The following GTF2IRD1 variants were observed in gnomAD, a reference collection of about 807,000 sequenced individuals.
The protein encoded by GTF2IRD1 is GTF2I repeat domain containing 1.
In GTF2IRD1, 26 loss-of-function variants were observed where a neutral mutation model predicts 113.2. The ratio of observed to expected loss-of-function variants is 0.23; its 90% CI spans 0.17 to 0.32. The LOEUF (loss-of-function observed/expected upper bound fraction) is 0.32. Ranked by LOEUF, GTF2IRD1 falls within the 10% of genes least tolerant of loss-of-function variation. GTF2IRD1 has a pLI of 1.00. For synonymous variants in GTF2IRD1, 484 were observed against 529.1 expected (o/e 0.91, Z 1.17); for missense variants, 864 against 1,280.8 (o/e 0.67, Z 4.97).
intron 14 of GTF2IRD1, among the ~76,000 whole-genome samples, chr7:74,542,799 A>T (rs116686996): frequency 6.6e-6 from 1 of 152,286 alleles, no homozygotes; most frequent in African/African-American, 2.4e-5. Context: ...AACACCATAG[A>T]AGCCTCCATG....
At chr7:74,500,253 G>A (rs1795951464) in intron 1 of GTF2IRD1, among the ~76,000 whole-genome samples, 1 of 152,104 alleles carries the variant, frequency 6.6e-6, no homozygotes, top group Non-Finnish European at 1.5e-5. Flanking sequence ...GATGTAACAT[G>A]GATTAGAAGA....
At chr7:74,530,587 A>T (rs1367726162) in intron 9 of GTF2IRD1, among the ~76,000 whole-genome samples, 6 of 73,272 alleles carry the variant, frequency 8.2e-5, no homozygotes, top group Admixed American at 1.4e-4. Flanking sequence ...CCTGTTTCTT[A>T]AAAAAAAAAA....
intron 1 of GTF2IRD1, among the ~76,000 whole-genome samples, chr7:74,498,813 C>G (rs1554338717): frequency 6.6e-6 from 1 of 151,634 alleles, no homozygotes; most frequent in Non-Finnish European, 1.5e-5. Flanking sequence ...ACTGCAACCT[C>G]CAACTCCCAG....
intron 22 of GTF2IRD1, among the ~76,000 whole-genome samples, chr7:74,573,594 C>G (rs1324939159): frequency 6.6e-6 from 1 of 152,126 alleles, no homozygotes; most frequent in Non-Finnish European, 1.5e-5. Flanking sequence ...GAGATCAGCA[C>G]CGAGGGGTCG....
At chr7:74,517,427 CTT>C (rs59499031) in intron 4 of GTF2IRD1, among the ~76,000 whole-genome samples, 1 of 77,398 alleles carries the variant, frequency 1.3e-5, no homozygotes, top group Non-Finnish European at 2.6e-5. Flanking sequence ...CTCCCTACAC[CTT>C]TTTTTTTTTT....
chr7:74,464,924 T>C (rs1380212693), intron 1 of GTF2IRD1, among the ~76,000 whole-genome samples: 1 of 152,102 alleles, frequency 6.6e-6, no homozygotes, highest in African/African-American at 2.4e-5. Context: ...GTGGGTAGCC[T>C]GGAAAGAGGT....
intron 12 of GTF2IRD1, 82 bp from the exon 13 acceptor site, chr7:74,538,598 C>A: frequency 1.1e-6 from 1 of 869,876 alleles, no homozygotes; most frequent in Non-Finnish European, 2.0e-6. Context: ...AAGTTACAGA[C>A]ACCAGAATGT....
chr7:74,553,657 T>C (rs1319053085), intron 17 of GTF2IRD1, among the ~76,000 whole-genome samples: 1 of 152,156 alleles, frequency 6.6e-6, no homozygotes, highest in Non-Finnish European at 1.5e-5. Flanking sequence ...GTCAGTGCAG[T>C]GGCCGACGGG....
At position 74,547,228 on chromosome 7, in the gene GTF2IRD1, A is replaced by T; in HGVS notation, c.1858A>T (p.Ile620Phe). 3.7e-6 allele frequency: 6 copies of T among 1,613,454 alleles called. No homozygotes were observed. Among genetic ancestry groups the T allele is most frequent in the Non-Finnish European group, 4.2e-6 (5 of 1,179,850 alleles). Reference sequence around the variant, plus strand: ...CCTCCGCAGGCCCAACTGCTTCGGGATCGCCAAGCTCCGGAAGATTCTGGA... The same window carrying T: ...CCTCCGCAGGCCCAACTGCTTCGGGTTCGCCAAGCTCCGGAAGATTCTGGA... ...ISLRRPNCFGIAKLRKILEAS... is the reference protein window; with the variant it reads ...ISLRRPNCFGFAKLRKILEAS... The change falls in exon 17 of 27, where the codon ATC becomes TTC. Residue 620 changes from isoleucine (I) to phenylalanine (F), a missense_variant. Coordinates refer to ENST00000424337, the MANE Select transcript of GTF2IRD1 (RefSeq NM_005685.4).
intron 22 of GTF2IRD1, among the ~76,000 whole-genome samples, chr7:74,571,349 C>T (rs1583918864): frequency 6.6e-6 from 1 of 152,198 alleles, no homozygotes; most frequent in East Asian, 1.9e-4. Flanking sequence ...CAGGATGGAG[C>T]GGGGACAGCC....
rs1554330829 is a variant in GTF2IRD1 at position 74,466,503 on chromosome 7, G to A, written c.-7+12327G>A. Among the ~76,000 whole-genome samples, 7 of 152,274 alleles carry A rather than the reference G, an allele frequency of 4.6e-5. No homozygotes were observed. The East Asian group carries it at 1.2e-3, about 25-fold the overall frequency. The stretch of plus-strand genomic sequence containing the variant: ...TGTCTCTCTGTGCCAGCCACGATGA[G>A]CCTCATCGTTTCTAAAACGTACTGT... On this transcript the variant is annotated intron_variant, in intron 1 of 26. Transcript: ENST00000424337.
At chr7:74,461,596 TAAG>T (rs1554329287) in intron 1 of GTF2IRD1, among the ~76,000 whole-genome samples, 1 of 152,110 alleles carries the variant, frequency 6.6e-6, no homozygotes, top group Non-Finnish European at 1.5e-5. Flanking sequence ...TTTATTTATT[TAAG>T]ATGGAGTCTC....
chr7:74,480,310 A>T (rs1794660246), intron 1 of GTF2IRD1, among the ~76,000 whole-genome samples: 1 of 152,094 alleles, frequency 6.6e-6, no homozygotes, highest in Non-Finnish European at 1.5e-5. Flanking sequence ...CACCCCTGTG[A>T]TTGTCCCCAC....
chr7:74,571,969 A>G (rs1188857999), intron 22 of GTF2IRD1, among the ~76,000 whole-genome samples: 1 of 152,192 alleles, frequency 6.6e-6, no homozygotes, highest in Non-Finnish European at 1.5e-5. Context: ...CTGTGGGTGA[A>G]ATGCCTGCCA....
chr7:74,471,696 A>AG (rs1794111162), intron 1 of GTF2IRD1, among the ~76,000 whole-genome samples: 1 of 91,522 alleles, frequency 1.1e-5, no homozygotes, highest in East Asian at 3.2e-4. Context: ...AAAACAAAAA[A>AG]AAAAACAAAA....
At chr7:74,492,129 G>A (rs183825253) in intron 1 of GTF2IRD1, among the ~76,000 whole-genome samples, 49 of 151,610 alleles carry the variant, frequency 3.2e-4, no homozygotes, top group Non-Finnish European at 4.6e-4. Context: ...TCAGCCTCCC[G>A]AGTAGCTGGG....
chr7:74,497,994 G>A (rs1029557375), intron 1 of GTF2IRD1, among the ~76,000 whole-genome samples: 4 of 152,074 alleles, frequency 2.6e-5, no homozygotes, highest in Admixed American at 6.6e-5. Context: ...ATGAGCCACC[G>A]CGCCCCGCTT....
At chr7:74,537,433 A>C (rs1798363902) in intron 11 of GTF2IRD1, among the ~76,000 whole-genome samples, 2 of 152,052 alleles carry the variant, frequency 1.3e-5, no homozygotes, top group Admixed American at 6.6e-5. Flanking sequence ...AACAAAAAAA[A>C]CATGGATGCA....
Position 74,485,355 on chromosome 7 carries a change from C to T in GTF2IRD1, c.-6-22720C>T, listed in dbSNP as rs528816315. ...GCAGCTGGCTGGGTGCGGTGGCTCA[C>T]GCCTGTAATCCCAGCACTTTGAGAG... On this transcript the variant is annotated intron_variant, in intron 1 of 26. Transcript: ENST00000424337. Among the ~76,000 whole-genome samples, 16 of 152,252 alleles carry T rather than the reference C, an allele frequency of 1.1e-4. No individual in the cohort carries two copies. The South Asian group carries it at 2.5e-3, about 24-fold the overall frequency.
Sources: gnomAD v4.1 joint callset for allele counts (sites outside exome capture counted in the v4.1 genomes callset) on GRCh38, gnomAD v4.1.1 for gene constraint, MANE v1.5 for transcripts, NCBI Gene and HGNC (gene_info 2026-07-23, HGNC 2026-07-21) for gene names.